Variants in MME observed in about 807,000 individuals in gnomAD.
MME encodes neprilysin.
In MME, 98 loss-of-function variants were observed where a neutral mutation model predicts 113.2. The ratio of observed to expected loss-of-function variants is 0.87; its 90% CI spans 0.74 to 1.02. The LOEUF (loss-of-function observed/expected upper bound fraction) is 1.02. Ranked by LOEUF, MME falls within the 50% of genes least tolerant of loss-of-function variation. The pLI is 0.00. For missense variants in MME, 836 were observed against 896.0 expected, an observed-to-expected ratio of 0.93 and a Z score of 0.86; for synonymous variants, 292 against 300.6, an observed-to-expected ratio of 0.97 and a Z score of 0.30.
At chr3:155,115,332 G>C (rs1424249701) in intron 4 of MME, among the ~76,000 whole-genome samples, 177 bp downstream of exon 4, 1 of 152,254 alleles carries the variant, frequency 6.6e-6, no homozygotes, top group Non-Finnish European at 1.5e-5. Context: ...TGAAATTAAT[G>C]TGTTGACATC....
intron 17 of MME, among the ~76,000 whole-genome samples, chr3:155,163,891 C>T (rs1248862412): frequency 6.6e-6 from 1 of 151,774 alleles, no homozygotes; most frequent in Non-Finnish European, 1.5e-5. Context: ...GCCTGTAATC[C>T]CAGTAGTTTG....
chr3:155,024,962 T>G (rs1201727215), intron 1 of MME, among the ~76,000 whole-genome samples: 1 of 151,932 alleles, frequency 6.6e-6, no homozygotes, highest in Non-Finnish European at 1.5e-5. Context: ...ACATGAAAAA[T>G]AGCTGAAAAA....
chr3:155,113,850 G>A (rs180865605), intron 3 of MME, among the ~76,000 whole-genome samples: 4 of 152,178 alleles, frequency 2.6e-5, no homozygotes, highest in Admixed American at 6.5e-5. Context: ...GTATACTAAG[G>A]CATACAACTC....
At chr3:155,117,689 A>G (rs1308416263) in intron 7 of MME, among the ~76,000 whole-genome samples, 5 of 149,298 alleles carry the variant, frequency 3.3e-5, no homozygotes, top group Non-Finnish European at 7.4e-5. Flanking sequence ...TCACTATTGC[A>G]TAAATCTTTA....
rs187356538 is a variant in MME at position 155,119,330 on chromosome 3, C to G, written c.720+519C>G. ...CAGGTAGCCAGTGGGCATCATATCC[C>G]ATAGTGGACGTTTGGATGTTCTGGA... On this transcript the variant is annotated intron_variant, in intron 8 of 22. Coordinates refer to ENST00000360490, the MANE Select transcript of MME (RefSeq NM_007289.4). Among the ~76,000 whole-genome samples the G allele has an allele frequency of 4.7e-3, 715 of 152,032 alleles. 7 individuals are homozygous for G. The highest frequency in any genetic ancestry group is 0.016 in the African/African-American group (683 of 41,448).
chr3:155,049,678 T>TATAG (rs1342078785), intron 1 of MME, among the ~76,000 whole-genome samples: 17 of 148,342 alleles, frequency 1.1e-4, no homozygotes, highest in African/African-American at 3.4e-4. Flanking sequence ...TATCTATATA[T>TATAG]AGAGAGAGAA....
chr3:155,076,649 A>G (rs1206442712), upstream of MME, among the ~76,000 whole-genome samples: 1 of 152,238 alleles, frequency 6.6e-6, no homozygotes, highest in Non-Finnish European at 1.5e-5. Flanking sequence ...TGGCTACTCT[A>G]TAGGCACAGC....
chr3:155,145,768 T>G (rs539289758), intron 14 of MME, among the ~76,000 whole-genome samples: 3 of 152,240 alleles, frequency 2.0e-5, no homozygotes, highest in Non-Finnish European at 4.4e-5. Context: ...TTTGTGTGTT[T>G]ACTACCTTAT....
At chr3:155,158,858 T>C (rs1722500795) in intron 16 of MME, 1 of 151,968 alleles carries the variant, frequency 6.6e-6, no homozygotes, top group African/African-American at 2.4e-5. Flanking sequence ...TAAGGAGGAC[T>C]GATATTATCA....
chr3:155,139,945 TATAG>T (rs1452193791), intron 9 of MME, among the ~76,000 whole-genome samples: 1 of 152,096 alleles, frequency 6.6e-6, no homozygotes, highest in African/African-American at 2.4e-5. Flanking sequence ...GTTGTCAAAA[TATAG>T]ACAGATTTTT....
intron 1 of MME, among the ~76,000 whole-genome samples, chr3:155,073,480 T>C (rs1453113823): frequency 6.6e-6 from 1 of 152,168 alleles, no homozygotes; most frequent in East Asian, 1.9e-4. Flanking sequence ...ACCACATTAA[T>C]TTGCTGTAAA....
chr3:155,151,978 T>A lies in MME; in HGVS notation c.1601+3325T>A, dbSNP rs944012170. 2.0e-5 allele frequency among the ~76,000 whole-genome samples: 3 copies of A among 152,072 alleles called. No individual in the cohort carries two copies. In the East Asian group the frequency reaches 5.8e-4, roughly 29 times the overall value. On this transcript the variant is annotated intron_variant, in intron 16 of 22. Transcript: ENST00000360490. ...CCACACTACTACCTTAGAGATTTTT[T>A]TGAAGACACAAATTGGCATTTTATT...
intron 3 of MME, among the ~76,000 whole-genome samples, chr3:155,110,152 G>T (rs935207962): frequency 1.3e-5 from 2 of 152,206 alleles, no homozygotes; most frequent in Non-Finnish European, 2.9e-5. Context: ...GAGTAAAAGG[G>T]TACTTGAAAA....
chr3:155,119,873 A>G (rs1718976268), intron 8 of MME, among the ~76,000 whole-genome samples: 1 of 77,656 alleles, frequency 1.3e-5, no homozygotes, highest in Non-Finnish European at 2.4e-5. Flanking sequence ...CGCAATAAAC[A>G]TACATGTGCA....
At chr3:155,169,013 G>A (rs1711616648) in intron 20 of MME, 2 of 513,774 alleles carry the variant, frequency 3.9e-6, no homozygotes, top group African/African-American at 1.9e-5. Context: ...TTTGCAAAGA[G>A]CCAAGAAGAA....
At chr3:155,140,315 T>C (rs1289348619) in intron 10 of MME, 23 bp downstream of exon 10, 2 of 1,439,664 alleles carry the variant, frequency 1.4e-6, no homozygotes, top group African/African-American at 2.8e-5. Context: ...TTTTTTGTGC[T>C]CTCTTATTGT....
chr3:155,097,779 A>G (rs998380562), intron 3 of MME, among the ~76,000 whole-genome samples: 5 of 152,160 alleles, frequency 3.3e-5, no homozygotes, highest in African/African-American at 7.2e-5. Flanking sequence ...TCCGCCTGGG[A>G]GTGAGCTGGT....
chr3:155,171,485 C>T (rs762517686), intron 20 of MME, among the ~76,000 whole-genome samples: 32 of 152,018 alleles, frequency 2.1e-4, no homozygotes, highest in Non-Finnish European at 3.8e-4. Context: ...TCATTTTTTT[C>T]AGTAGCATAA....
chr3:155,071,522 A>G (rs769926377), intron 1 of MME, among the ~76,000 whole-genome samples: 2 of 152,200 alleles, frequency 1.3e-5, no homozygotes, highest in Non-Finnish European at 2.9e-5. Flanking sequence ...TCTGAGTCGT[A>G]TTTCTCCCAT....
Sources: gnomAD v4.1 joint callset for allele counts (sites outside exome capture counted in the v4.1 genomes callset) on GRCh38, gnomAD v4.1.1 for gene constraint, MANE v1.5 for transcripts, NCBI Gene and HGNC (gene_info 2026-07-23, HGNC 2026-07-21) for gene names.